Variants in TTPA observed in about 807,000 individuals in gnomAD.
The protein encoded by TTPA is alpha tocopherol transfer protein, also known as alpha-tocopherol transfer protein.
In TTPA, 23 loss-of-function variants were observed where a neutral mutation model predicts 25.9. The observed-to-expected ratio is 0.89, with a 90% CI of 0.64 to 1.26. The LOEUF (loss-of-function observed/expected upper bound fraction) is 1.26, where lower values mean the gene tolerates loss of function less well. TTPA is among the 50% of genes most tolerant of loss of function. The probability of loss-of-function intolerance (pLI) is 0.00; values close to 1 mark genes in which losing one functional copy is unlikely to be tolerated. For synonymous variants in TTPA, 148 were observed against 137.3 expected, an observed-to-expected ratio of 1.08 and a Z score of -0.54; for missense variants, 337 against 353.1, an observed-to-expected ratio of 0.95 and a Z score of 0.37.
intron 1 of TTPA, among the ~76,000 whole-genome samples, chr8:63,073,395 T>A (rs1471435365): frequency 1.3e-5 from 2 of 152,190 alleles, no homozygotes; most frequent in South Asian, 4.1e-4. Flanking sequence ...AGAGATGGCA[T>A]CTATTTGCTT....
chr8:63,071,746 C>T (rs1424250573), intron 2 of TTPA, among the ~76,000 whole-genome samples: 1 of 152,136 alleles, frequency 6.6e-6, no homozygotes, highest in African/African-American at 2.4e-5. Flanking sequence ...TGCCTTTTCA[C>T]TTCCAACATG....
At chr8:63,062,178 T>C (rs1010826651) in intron 4 of TTPA, among the ~76,000 whole-genome samples, 1 of 136,124 alleles carries the variant, frequency 7.3e-6, no homozygotes, top group Non-Finnish European at 1.6e-5. Context: ...AGGCCCTGTC[T>C]AAAAAAAAAA....
At chr8:63,059,267 C>T (rs998145520), downstream of TTPA, among the ~76,000 whole-genome samples, 300 of 151,246 alleles carry the variant, frequency 2.0e-3, 2 homozygotes, top group African/African-American at 7.1e-3. Context: ...CTCCTGACCT[C>T]GTGATCCGCC....
chr8:63,059,034 T>TTTTTTTTTTTTTG (rs1805250664), downstream of TTPA, among the ~76,000 whole-genome samples: 1 of 125,442 alleles, frequency 8.0e-6, no homozygotes, highest in African/African-American at 3.2e-5. Context: ...TTTTTTTTTT[T>TTTTTTTTTTTTTG]TTTTTTTTTT....
At chr8:63,058,901 C>T (rs1805245906), downstream of TTPA, among the ~76,000 whole-genome samples, 3 of 151,852 alleles carry the variant, frequency 2.0e-5, no homozygotes, top group African/African-American at 7.2e-5. Context: ...TTGTTATTGA[C>T]ACTGTTTATT....
intron 2 of TTPA, among the ~76,000 whole-genome samples, chr8:63,070,734 T>C (rs1385421800): frequency 2.6e-5 from 4 of 152,174 alleles, no homozygotes; most frequent in African/African-American, 9.7e-5. Flanking sequence ...AGGTGTCACT[T>C]TTACTTCTTC....
intron 1 of TTPA, among the ~76,000 whole-genome samples, chr8:63,076,064 C>T (rs72659823): frequency 9.6e-4 from 146 of 152,238 alleles, no homozygotes; most frequent in African/African-American, 3.3e-3. Flanking sequence ...GTGTATTTGA[C>T]AGCGCAGGCT....
chr8:63,080,382 G>A (rs960885537), intron 1 of TTPA, among the ~76,000 whole-genome samples: 3 of 152,202 alleles, frequency 2.0e-5, no homozygotes, highest in Non-Finnish European at 2.9e-5. Flanking sequence ...GAATCTAGAA[G>A]CTGGTTTTTT....
Position 63,064,332 on chromosome 8 carries a change from A to C in TTPA, c.553-16T>G, listed in dbSNP as rs765256912. 6.5e-7 allele frequency: 1 copy of C among 1,549,650 alleles called. No individual in the cohort carries two copies. The highest frequency in any genetic ancestry group is 1.7e-5 in the Admixed American group (1 of 58,980). ...GAAATGAATCCTTTTGAAAATAAAA[A>C]AATCTTAATAACAAAACATAAATAT... is the stretch of plus-strand genomic sequence containing the variant. On this transcript the variant is annotated splice_polypyrimidine_tract_variant and intron_variant, in intron 3 of 4. Coordinates refer to ENST00000260116, the MANE Select transcript of TTPA (RefSeq NM_000370.3).
At chr8:63,074,058 TTACAA>T (rs147134782) in intron 1 of TTPA, among the ~76,000 whole-genome samples, 11,369 of 152,232 alleles carry the variant, frequency 0.075, 581 homozygotes, top group Middle Eastern at 0.13. Flanking sequence ...TTTTCACAAG[TTACAA>T]TACATTTGTT....
chr8:63,070,156 G>C lies in TTPA; in HGVS notation c.358+2779C>G, dbSNP rs535737271. 2.0e-5 allele frequency among the ~76,000 whole-genome samples: 3 copies of C among 152,294 alleles called. No homozygotes were observed. In the East Asian group the frequency reaches 5.8e-4, roughly 29 times the overall value. On this transcript the variant is annotated intron_variant, in intron 2 of 4. Coordinates refer to ENST00000260116, the MANE Select transcript of TTPA (RefSeq NM_000370.3). ...ATCCAGGTCACATGCTCCAGAACCTGTATTCACAAGAACTAAGCCACAGTC... is the reference window on the plus strand; with the variant it reads ...ATCCAGGTCACATGCTCCAGAACCTCTATTCACAAGAACTAAGCCACAGTC...
chr8:63,061,281 G>C lies in TTPA; in HGVS notation c.808C>G (p.Leu270Val). 2 of 1,613,776 alleles carry C rather than the reference G, an allele frequency of 1.2e-6. No individual in the cohort carries two copies. Among genetic ancestry groups the C allele is most frequent in the Non-Finnish European group, 1.7e-6 (2 of 1,179,924 alleles). The change falls in exon 5 of 5, where the codon CTC becomes GTC. Residue 270 changes from leucine (L) to valine (V), a missense_variant. Leu to Val is a conservative substitution (Grantham distance 32). Transcript: ENST00000260116. ...TNFIMKSEDYLSSISESIQ is the reference protein window; with the variant it reads ...TNFIMKSEDYVSSISESIQ Reference sequence around the variant, plus strand: ...TGAATGCTCTCAGAAATGCTGCTGAGATAATCTTCAGACTTCATTATAAAA... The same window carrying C: ...TGAATGCTCTCAGAAATGCTGCTGACATAATCTTCAGACTTCATTATAAAA...
At chr8:63,078,417 C>T (rs761026375) in intron 1 of TTPA, among the ~76,000 whole-genome samples, 33 of 152,254 alleles carry the variant, frequency 2.2e-4, no homozygotes, top group Middle Eastern at 6.8e-3. Context: ...TCAAACCCAA[C>T]ACAAGGAAGC....
chr8:63,082,779 C>T (rs1805684256), intron 1 of TTPA, among the ~76,000 whole-genome samples: 1 of 152,142 alleles, frequency 6.6e-6, no homozygotes, highest in South Asian at 2.1e-4. Context: ...GTGCAAGGAA[C>T]TTAAACAAAT....
chr8:63,074,226 GA>G (rs1805527173), intron 1 of TTPA, among the ~76,000 whole-genome samples: 1 of 152,118 alleles, frequency 6.6e-6, no homozygotes, highest in African/African-American at 2.4e-5. Flanking sequence ...ACTAGAGAGG[GA>G]AATGCTGAGC....
At chr8:63,062,523 A>G (rs1214456776) in intron 4 of TTPA, among the ~76,000 whole-genome samples, 1 of 152,156 alleles carries the variant, frequency 6.6e-6, no homozygotes. Context: ...ATTTTTTCTG[A>G]AATATGTAAA....
At chr8:63,078,185 T>C (rs550595177) in intron 1 of TTPA, among the ~76,000 whole-genome samples, 2 of 152,158 alleles carry the variant, frequency 1.3e-5, no homozygotes, top group South Asian at 4.2e-4. Context: ...GTGTAGGTCA[T>C]GAACGTCAAA....
In TTPA at chr8:63,066,036, G is replaced by A. The variant is rs771937122; in HGVS notation, c.420C>T (p.Ser140=). ...YDVFRVSLIT[S]ELIVQEVETQ... ...TTTCTACCTCCTGTACAATAAGCTC[G>A]GATGTGATTAGACTTACTCGAAATA... is the stretch of plus-strand genomic sequence containing the variant. Residue 140 remains serine (S), a synonymous_variant, in exon 3 of 5, where the codon TCC becomes TCT. Coordinates refer to ENST00000260116, the MANE Select transcript of TTPA (RefSeq NM_000370.3). The A allele has an allele frequency of 4.2e-5, 68 of 1,613,842 alleles. No individual in the cohort carries two copies. The highest frequency in any genetic ancestry group is 9.9e-5 in the South Asian group (9 of 91,080).
intron 1 of TTPA, among the ~76,000 whole-genome samples, chr8:63,073,558 G>A (rs1208520081): frequency 6.6e-6 from 1 of 152,132 alleles, no homozygotes; most frequent in African/African-American, 2.4e-5. Flanking sequence ...CTGAATGATA[G>A]CAATTCATGT....
Sources: allele counts gnomAD v4.1 joint callset (sites outside exome capture counted in the v4.1 genomes callset), GRCh38; gene constraint gnomAD v4.1.1; transcripts MANE v1.5; gene names NCBI Gene and HGNC (gene_info 2026-07-23, HGNC 2026-07-21).